FAM149A: variants seen among roughly 807,000 people sequenced by gnomAD.
The protein encoded by FAM149A is family with sequence similarity 149 member A.
FAM149A carries 71 observed loss-of-function variants against 78.2 expected under a neutral mutation model. That is an observed-to-expected ratio of 0.91 (90% CI 0.75 to 1.11). The LOEUF (loss-of-function observed/expected upper bound fraction) is 1.11. FAM149A is among the 50% of genes least tolerant of loss of function. The probability of loss-of-function intolerance (pLI) is 0.00; values close to 1 mark genes in which losing one functional copy is unlikely to be tolerated. For missense variants in FAM149A, 1,036 were observed against 971.0 expected (o/e 1.07, Z -0.89); for synonymous variants, 446 against 410.5 (o/e 1.09, Z -1.04).
intron 13 of FAM149A, chr4:186,169,099 G>A (rs1000968262): frequency 6.1e-5 from 39 of 639,716 alleles, no homozygotes; most frequent in Admixed American, 1.9e-4. Flanking sequence ...TGGAGCACAC[G>A]TAAGTAGAGG....
intron 8 of FAM149A, 23 bp downstream of exon 8, chr4:186,157,742 C>G (rs772910458): frequency 1.2e-5 from 19 of 1,591,198 alleles, no homozygotes; most frequent in Middle Eastern, 1.7e-4. Flanking sequence ...ACACCCTTCT[C>G]CCTCTTGCCT....
chr4:186,160,514 CACAT>C (rs1014603463), intron 8 of FAM149A, among the ~76,000 whole-genome samples: 1 of 148,994 alleles, frequency 6.7e-6, no homozygotes, highest in African/African-American at 2.5e-5. Flanking sequence ...ACCAAATACA[CACAT>C]ACACACACAC....
chr4:186,151,797 C>G (rs1733606038), intron 3 of FAM149A, 106 bp from the exon 4 acceptor site: 1 of 1,482,396 alleles, frequency 6.7e-7, no homozygotes, highest in Admixed American at 2.1e-5. Flanking sequence ...CCAAGTGATG[C>G]ACCCTCCTAC....
intron 1 of FAM149A, chr4:186,116,692 G>T (rs1330045228): frequency 1.0e-6 from 1 of 960,142 alleles, no homozygotes; most frequent in African/African-American, 1.8e-5. Context: ...CTGCGTCCTG[G>T]GTTAAAGTGA....
rs1222511321 is a variant in FAM149A, at chr4:186,164,750, T to C, written c.1890-594T>C. Among the ~76,000 whole-genome samples, 1 of 152,176 alleles carries C rather than the reference T, an allele frequency of 6.6e-6. No homozygotes were observed. Reference sequence around the variant, plus strand: ...CAAATAGAAACCCATTTATGTTTCCTACTGAGATACATTCAGATGCCACTA... The same window carrying C: ...CAAATAGAAACCCATTTATGTTTCCCACTGAGATACATTCAGATGCCACTA... On this transcript the variant is annotated intron_variant, in intron 10 of 13. Transcript: ENST00000389354. The surrounding 1 kb of genome is among the most constrained non-coding windows in gnomAD (Gnocchi z 4.0).
At chr4:186,110,401 T>C (rs1288136899) in intron 1 of FAM149A, 1 of 843,768 alleles carries the variant, frequency 1.2e-6, no homozygotes, top group Non-Finnish European at 1.4e-6. Context: ...TTCTTTTTTT[T>C]TTTTTATTAT....
chr4:186,167,392 C>A (rs1289831463), intron 13 of FAM149A, 130 bp downstream of exon 13: 1 of 885,470 alleles, frequency 1.1e-6, no homozygotes, highest in East Asian at 2.5e-5. Context: ...ATGTTTGGGG[C>A]CTGTGGCCTG....
At chr4:186,156,276 CT>C in intron 7 of FAM149A, 86 bp downstream of exon 7, 14 of 1,096,340 alleles carry the variant, frequency 1.3e-5, no homozygotes, top group Non-Finnish European at 1.7e-5. Flanking sequence ...TTGGCCAGAC[CT>C]AGAACGTGAC....
chr4:186,112,068 T>A (rs1167594473), intron 1 of FAM149A, among the ~76,000 whole-genome samples: 1 of 140,802 alleles, frequency 7.1e-6, no homozygotes, highest in African/African-American at 2.7e-5. Context: ...CTCTTTTATT[T>A]CCTTGAGCAG....
At chr4:186,139,880 C>A (rs919573419) in intron 1 of FAM149A, among the ~76,000 whole-genome samples, 7 of 152,160 alleles carry the variant, frequency 4.6e-5, no homozygotes, top group African/African-American at 1.7e-4. Flanking sequence ...CCATGTAAAG[C>A]CAGGACTGCT....
rs770780746 is a variant in FAM149A, at chr4:186,163,431, A to G, written c.1687A>G (p.Lys563Glu). 39 of 1,613,226 alleles carry G rather than the reference A, an allele frequency of 2.4e-5. No homozygotes were observed. The South Asian group carries it at 3.2e-4, about 13-fold the overall frequency. Residue 563 changes from lysine (K) to glutamate (E), a missense_variant, in exon 10 of 14, where the codon AAG (lysine) becomes GAG (glutamate). By Grantham distance (56) the Lys-to-Glu change is moderately conservative. Around this residue, in one of 3 missense-constraint regions of FAM149A, gnomAD observed 716 missense variants for 711.8 expected, o/e 1.01. Transcript: ENST00000389354. The stretch of plus-strand genomic sequence containing the variant: ...ACAGGATTTCCTTCCCAGGAATGAG[A>G]AGGAGGACAAAGCATCGGGTGGAGG...
intron 1 of FAM149A, among the ~76,000 whole-genome samples, chr4:186,140,277 T>G (rs1215922844): frequency 6.6e-6 from 1 of 152,098 alleles, no homozygotes; most frequent in Non-Finnish European, 1.5e-5. Context: ...CAGAGGGTGA[T>G]CACATAATCA....
chr4:186,170,261 G>T (rs1307032354), intron 13 of FAM149A, among the ~76,000 whole-genome samples: 4 of 152,240 alleles, frequency 2.6e-5, no homozygotes, highest in Non-Finnish European at 5.9e-5. Context: ...GGAAGTCCTA[G>T]CTCTGCTGCT....
intron 3 of FAM149A, among the ~76,000 whole-genome samples, chr4:186,150,487 T>C (rs1733434760): frequency 7.9e-6 from 1 of 127,370 alleles, no homozygotes; most frequent in Admixed American, 8.1e-5. Flanking sequence ...GGGCGCGATC[T>C]CGGCTCACTG....
intron 1 of FAM149A, among the ~76,000 whole-genome samples, chr4:186,135,592 T>C (rs536451966): frequency 9.9e-5 from 15 of 152,224 alleles, no homozygotes; most frequent in Non-Finnish European, 2.1e-4. Context: ...ATTTAATATA[T>C]AGTAGCGACT....
chr4:186,124,661 CATT>C (rs2099317548), intron 1 of FAM149A, among the ~76,000 whole-genome samples: 1 of 152,086 alleles, frequency 6.6e-6, no homozygotes, highest in Non-Finnish European at 1.5e-5. Context: ...TCCAGTCTAT[CATT>C]GTTGCACATT....
At position 186,157,862 on chromosome 4, in the gene FAM149A, T is replaced by C. The variant is rs113493632; in HGVS notation, c.1575+143T>C. On this transcript the variant is annotated intron_variant, in intron 8 of 13. Coordinates refer to ENST00000389354, the MANE Select transcript of FAM149A (RefSeq NM_001367768.3). Reference sequence around the variant, plus strand: ...CAGAGGGGTCCATGCAGGCTTTCCATGGTAACTTAAAGGGAAACCTTCACA... The same window carrying C: ...CAGAGGGGTCCATGCAGGCTTTCCACGGTAACTTAAAGGGAAACCTTCACA... 4.6e-3 allele frequency: 7,189 copies of C among 1,546,390 alleles called. 270 individuals are homozygous for C. The African/African-American group carries it at 0.086, about 19-fold the overall frequency.
intron 1 of FAM149A, among the ~76,000 whole-genome samples, chr4:186,120,568 T>C (rs996251624): frequency 6.6e-6 from 1 of 151,656 alleles, no homozygotes; most frequent in Non-Finnish European, 1.5e-5. Flanking sequence ...CCGAGGCAGG[T>C]GGATCACGAG....
At chr4:186,146,206 C>T (rs1019679274) in intron 1 of FAM149A, among the ~76,000 whole-genome samples, 3 of 151,974 alleles carry the variant, frequency 2.0e-5, no homozygotes, top group Admixed American at 2.0e-4. Context: ...ATTGTGTGGT[C>T]AAGTTTGTAT....
Sources: allele counts gnomAD v4.1 joint callset (sites outside exome capture counted in the v4.1 genomes callset), GRCh38; gene constraint gnomAD v4.1.1; regional missense constraint gnomAD v4.1.1; non-coding constraint Gnocchi (gnomAD v3.1); transcripts MANE v1.5; gene names NCBI Gene and HGNC (gene_info 2026-07-23, HGNC 2026-07-21).